OPCML: variants seen among roughly 807,000 people sequenced by gnomAD.
The protein encoded by OPCML is opioid binding protein/cell adhesion molecule like.
Under a neutral mutation model 37.8 loss-of-function variants are expected in OPCML, and 13 were observed. The observed-to-expected ratio is 0.34, with a 90% CI of 0.22 to 0.55. The LOEUF (loss-of-function observed/expected upper bound fraction) is 0.55. OPCML is among the 20% of genes least tolerant of loss of function. The pLI is 0.91. For missense variants in OPCML, 341 were observed against 435.6 expected (o/e 0.78, Z 1.93); for synonymous variants, 176 against 168.8 (o/e 1.04, Z -0.33).
intron 1 of OPCML, among the ~76,000 whole-genome samples, chr11:132,952,069 C>A (rs769931506): frequency 6.6e-6 from 1 of 152,190 alleles, no homozygotes; most frequent in Non-Finnish European, 1.5e-5. Flanking sequence ...TTGTACCCAG[C>A]TGTTCCATGT....
intron 3 of OPCML, among the ~76,000 whole-genome samples, chr11:132,608,192 G>A (rs145009423): frequency 4.5e-4 from 68 of 152,210 alleles, no homozygotes; most frequent in African/African-American, 1.4e-3. Context: ...AAGTATGTAA[G>A]ACATAAACCA....
At chr11:132,762,264 G>A (rs1431864664) in intron 2 of OPCML, among the ~76,000 whole-genome samples, 1 of 152,170 alleles carries the variant, frequency 6.6e-6, no homozygotes, top group Non-Finnish European at 1.5e-5. Flanking sequence ...GCTGGGAGTT[G>A]TCTCCCAGAC....
At chr11:133,494,416 G>A (rs556860251) in intron 1 of OPCML, among the ~76,000 whole-genome samples, 256 of 151,866 alleles carry the variant, frequency 1.7e-3, no homozygotes, top group African/African-American at 6.0e-3. Context: ...AAAGACACAA[G>A]CACACGTATG....
chr11:132,940,010 T>A (rs1195271625), intron 2 of OPCML, among the ~76,000 whole-genome samples: 1 of 152,254 alleles, frequency 6.6e-6, no homozygotes, highest in African/African-American at 2.4e-5. Context: ...TAATTATTTT[T>A]GCTTTTCAAG....
intron 2 of OPCML, among the ~76,000 whole-genome samples, chr11:132,863,063 C>T (rs763483877): frequency 9.9e-5 from 15 of 152,180 alleles, no homozygotes; most frequent in African/African-American, 3.1e-4. Flanking sequence ...TGGGTGTGGG[C>T]AGCCTCAGTA....
chr11:133,279,506 A>G (rs1026696379), intron 1 of OPCML, among the ~76,000 whole-genome samples: 1 of 152,172 alleles, frequency 6.6e-6, no homozygotes, highest in African/African-American at 2.4e-5. Flanking sequence ...AGGCAGAATC[A>G]GTCTCTGGTC....
At chr11:132,704,868 A>G (rs918018008) in intron 2 of OPCML, among the ~76,000 whole-genome samples, 2 of 152,252 alleles carry the variant, frequency 1.3e-5, no homozygotes, top group Non-Finnish European at 2.9e-5. Flanking sequence ...TAATTGACTT[A>G]GAGACTAAAT....
intron 3 of OPCML, among the ~76,000 whole-genome samples, chr11:132,629,678 C>T (rs952683061): frequency 6.6e-6 from 1 of 152,094 alleles, no homozygotes; most frequent in African/African-American, 2.4e-5. Flanking sequence ...CCAGGTGCAG[C>T]GTTGAGTTCA....
chr11:133,163,595 G>GTA (rs1950172132), intron 1 of OPCML, among the ~76,000 whole-genome samples: 1 of 152,204 alleles, frequency 6.6e-6, no homozygotes, highest in African/African-American at 2.4e-5. Flanking sequence ...AGTATATGGT[G>GTA]TATACCACAG....
In OPCML at chr11:132,418,814, G is replaced by A. The variant is rs1476661593; in HGVS notation, c.*1379C>T. 2 of 152,586 alleles carry A rather than the reference G, an allele frequency of 1.3e-5. No homozygotes were observed. Among genetic ancestry groups the A allele is most frequent in the Non-Finnish European group, 2.9e-5 (2 of 68,044 alleles). 9.5% of individuals were successfully genotyped at this position (152,586 alleles called of 1,614,324 possible). Reference sequence around the variant, plus strand: ...TGCTGCTAAGGAAAGCCAGCCATAGGTTCCTGACATGTACTTTCTTGAAGG... The same window carrying A: ...TGCTGCTAAGGAAAGCCAGCCATAGATTCCTGACATGTACTTTCTTGAAGG... On this transcript the variant is annotated 3_prime_UTR_variant, in exon 8 of 8. Transcript: ENST00000524381.
At chr11:133,500,964 G>T (rs1429831539) in intron 1 of OPCML, among the ~76,000 whole-genome samples, 1 of 151,874 alleles carries the variant, frequency 6.6e-6, no homozygotes, top group Admixed American at 6.6e-5. Context: ...TCCTGGGGAG[G>T]GCAGATGGGG....
intron 1 of OPCML, among the ~76,000 whole-genome samples, chr11:133,399,111 G>A (rs1316179928): frequency 1.3e-5 from 2 of 151,994 alleles, no homozygotes; most frequent in African/African-American, 4.8e-5. Context: ...ATAAATGTTA[G>A]GTATGATTTT....
At chr11:133,495,707 G>A (rs762551532) in intron 1 of OPCML, among the ~76,000 whole-genome samples, 14 of 151,882 alleles carry the variant, frequency 9.2e-5, no homozygotes, top group Non-Finnish European at 1.5e-4. Context: ...ATCTTCTTTT[G>A]AGAATTGTCT....
At chr11:133,023,310 C>A (rs775546088) in intron 1 of OPCML, among the ~76,000 whole-genome samples, 1 of 152,224 alleles carries the variant, frequency 6.6e-6, no homozygotes, top group Non-Finnish European at 1.5e-5. Context: ...AGCAGTACAG[C>A]TAGACAACCG....
At chr11:133,259,664 C>A (rs918756982) in intron 1 of OPCML, among the ~76,000 whole-genome samples, 2 of 152,002 alleles carry the variant, frequency 1.3e-5, no homozygotes, top group Non-Finnish European at 2.9e-5. Flanking sequence ...ATAGTAAAAA[C>A]GAAATTATAC....
Position 132,943,383 on chromosome 11 carries a change from G to C in OPCML, c.62-373C>G. 1 of 484,474 alleles carries C rather than the reference G, an allele frequency of 2.1e-6. No homozygotes were observed. Among genetic ancestry groups the C allele is most frequent in the Non-Finnish European group, 3.7e-6 (1 of 267,362 alleles). 30.0% of individuals were successfully genotyped at this position (484,474 alleles called of 1,614,324 possible). The stretch of plus-strand genomic sequence containing the variant: ...GGAGGCGGCCAGGAGGGGAGAGGAA[G>C]AAGCAAGGTGCGGGGATGAAGGTCA... On this transcript the variant is annotated intron_variant, in intron 1 of 7. Coordinates refer to ENST00000524381, the MANE Select transcript of OPCML (RefSeq NM_001012393.5). This position sits in a 1 kb window ranked among gnomAD's most constrained non-coding sequence, Gnocchi z 4.3.
intron 1 of OPCML, among the ~76,000 whole-genome samples, chr11:133,447,083 T>C (rs1046333185): frequency 6.6e-6 from 1 of 152,356 alleles, no homozygotes; most frequent in Non-Finnish European, 1.5e-5. Context: ...ATTAAGTTTA[T>C]GTTTTCATTA....
At chr11:133,197,792 T>TAA (rs1255808465) in intron 1 of OPCML, among the ~76,000 whole-genome samples, 1 of 152,208 alleles carries the variant, frequency 6.6e-6, no homozygotes, top group Non-Finnish European at 1.5e-5. Flanking sequence ...ACTGATGCCT[T>TAA]GCTTCAATGG....
chr11:132,518,321 G>T (rs558331835), intron 4 of OPCML, among the ~76,000 whole-genome samples: 2 of 152,226 alleles, frequency 1.3e-5, no homozygotes, highest in East Asian at 3.9e-4. Flanking sequence ...GTGAGAACAT[G>T]CAGTGTTTGG....
Sources: gnomAD v4.1 joint callset for allele counts (sites outside exome capture counted in the v4.1 genomes callset) on GRCh38, gnomAD v4.1.1 for gene constraint, Gnocchi (gnomAD v3.1) non-coding constraint, MANE v1.5 for transcripts, NCBI Gene and HGNC (gene_info 2026-07-23, HGNC 2026-07-21) for gene names.